The following LARP1B variants were observed in gnomAD, a reference collection of about 807,000 sequenced individuals.
LARP1B encodes the protein La ribonucleoprotein 1B, also known as la-related protein 1B.
A neutral mutation model predicts 114.2 loss-of-function variants in LARP1B; 76 were observed. The ratio of observed to expected loss-of-function variants is 0.67; its 90% CI spans 0.55 to 0.81. The LOEUF is 0.81. Ranked by LOEUF, LARP1B falls within the 30% of genes least tolerant of loss-of-function variation. The probability of loss-of-function intolerance (pLI) is 0.00; values close to 1 mark genes in which losing one functional copy is unlikely to be tolerated. For missense variants in LARP1B, 1,014 were observed against 1,075.8 expected, an observed-to-expected ratio of 0.94 and a Z score of 0.80; for synonymous variants, 345 against 348.0, an observed-to-expected ratio of 0.99 and a Z score of 0.10.
chr4:128,062,996 C>T (rs1442773469), intron 1 of LARP1B, among the ~76,000 whole-genome samples: 3 of 152,076 alleles, frequency 2.0e-5, no homozygotes, highest in African/African-American at 7.2e-5. Flanking sequence ...GTGGATTGCA[C>T]GTTAGGTAAA....
chr4:128,200,544 CAGTCCCA>C lies in LARP1B; in HGVS notation c.2191_2197del (p.Ser731LysfsTer2). 1 of 1,532,180 alleles carries C rather than the reference CAGTCCCA, an allele frequency of 6.5e-7. No individual in the cohort carries two copies. The allele number at this position is 1,532,180 out of a possible 1,614,324, so 94.9% of individuals were successfully genotyped here. ...AGAGAGAAAACGCTTGGGAATTGGT[CAGTCCCA>C]AGAAATGAATACCCTCTTTCGTTTC... On this transcript the variant is annotated frameshift_variant, in exon 17 of 20. Coordinates refer to ENST00000326639, the MANE Select transcript of LARP1B (RefSeq NM_018078.4). LOFTEE classifies it high-confidence loss of function.
At chr4:128,206,211 G>A (rs1203306934) in intron 17 of LARP1B, among the ~76,000 whole-genome samples, 1 of 152,152 alleles carries the variant, frequency 6.6e-6, no homozygotes, top group Non-Finnish European at 1.5e-5. Flanking sequence ...AGAATAGCTT[G>A]AACCAGGGAG....
intron 12 of LARP1B, among the ~76,000 whole-genome samples, chr4:128,174,364 T>C (rs1171260167): frequency 6.6e-6 from 1 of 151,996 alleles, no homozygotes; most frequent in African/African-American, 2.4e-5. Context: ...AATATTTTAA[T>C]ATTTACTATG....
intron 11 of LARP1B, among the ~76,000 whole-genome samples, chr4:128,130,989 G>GT (rs1791392238): frequency 6.6e-6 from 1 of 152,198 alleles, no homozygotes; most frequent in Non-Finnish European, 1.5e-5. Flanking sequence ...CAAAACTATA[G>GT]TAACAGTAAA....
intron 10 of LARP1B, among the ~76,000 whole-genome samples, chr4:128,116,860 C>G (rs1786021911): frequency 6.6e-6 from 1 of 150,464 alleles, no homozygotes; most frequent in South Asian, 2.1e-4. Flanking sequence ...TTTCTTTTGT[C>G]ATCTTATGAA....
At chr4:128,179,053 A>G (rs1158025749) in intron 14 of LARP1B, among the ~76,000 whole-genome samples, 1 of 152,212 alleles carries the variant, frequency 6.6e-6, no homozygotes. Flanking sequence ...TGATCATGCC[A>G]CTGCACTCCA....
rs576051241 is a variant in LARP1B at position 128,079,347 on chromosome 4, G to A, written c.217+1385G>A. Among the ~76,000 whole-genome samples the A allele has an allele frequency of 1.7e-3, 262 of 151,588 alleles. 1 individual carries two copies. Among genetic ancestry groups the A allele is most frequent in the African/African-American group, 6.1e-3 (252 of 41,296 alleles). On this transcript the variant is annotated intron_variant, in intron 4 of 19. Transcript: ENST00000326639. ...TGAGCTCAGGCGATCCACCTGCCTC[G>A]GCCTCCCAAAGTGCTAGGATTACAG...
At chr4:128,178,357 C>A (rs1747143413) in intron 13 of LARP1B, 74 bp from the exon 14 acceptor site, 1 of 1,083,652 alleles carries the variant, frequency 9.2e-7, no homozygotes. Context: ...TAGAGAATTA[C>A]AAAATTATCC....
intron 19 of LARP1B, 127 bp from the exon 20 acceptor site, chr4:128,209,720 CAAAAAAAAA>C: frequency 4.1e-6 from 2 of 491,888 alleles, no homozygotes; most frequent in African/African-American, 2.6e-5. Flanking sequence ...GAGACTCCAT[CAAAAAAAAA>C]AAAAAAAAAA....
chr4:128,112,495 A>G (rs949226096), intron 9 of LARP1B, among the ~76,000 whole-genome samples: 13 of 74,164 alleles, frequency 1.8e-4, no homozygotes, highest in African/African-American at 4.3e-4. Context: ...TTTTTTTGAG[A>G]TGGAGTCTTG....
At chr4:128,075,918 C>T (rs1767654100) in intron 3 of LARP1B, among the ~76,000 whole-genome samples, 1 of 152,146 alleles carries the variant, frequency 6.6e-6, no homozygotes, top group South Asian at 2.1e-4. Flanking sequence ...AAATCACATA[C>T]ATTGATAAAG....
chr4:128,200,965 T>G (rs935763958), intron 17 of LARP1B, among the ~76,000 whole-genome samples: 1 of 152,238 alleles, frequency 6.6e-6, no homozygotes, highest in Non-Finnish European at 1.5e-5. Flanking sequence ...TGGTTCTGGC[T>G]TATGGTTTCT....
At chr4:128,173,658 T>A (rs1744753791) in intron 12 of LARP1B, among the ~76,000 whole-genome samples, 1 of 152,228 alleles carries the variant, frequency 6.6e-6, no homozygotes, top group Non-Finnish European at 1.5e-5. Context: ...CCTGGAAAGC[T>A]TGTTGAAACA....
chr4:128,192,178 T>A (rs982648869), intron 15 of LARP1B, among the ~76,000 whole-genome samples: 6 of 152,244 alleles, frequency 3.9e-5, no homozygotes, highest in South Asian at 2.1e-4. Flanking sequence ...GTACTTTTTT[T>A]AAGTCATAAT....
chr4:128,061,977 G>T, intron 1 of LARP1B: 1 of 985,212 alleles, frequency 1.0e-6, no homozygotes, highest in Non-Finnish European at 1.2e-6. Flanking sequence ...AAGGCGCGTG[G>T]GCCCGGGGGC....
intron 11 of LARP1B, among the ~76,000 whole-genome samples, chr4:128,158,767 T>C (rs1273422006): frequency 6.6e-6 from 1 of 152,198 alleles, no homozygotes; most frequent in East Asian, 1.9e-4. Flanking sequence ...TATTTTGAGA[T>C]ATTTATAGAT....
chr4:128,091,854 C>T (rs547326903), intron 7 of LARP1B, among the ~76,000 whole-genome samples: 10 of 152,260 alleles, frequency 6.6e-5, no homozygotes, highest in Admixed American at 1.3e-4. Flanking sequence ...ACCTTGGCCT[C>T]TCAAAGTGCT....
intron 5 of LARP1B, among the ~76,000 whole-genome samples, chr4:128,086,657 T>A (rs966152354): frequency 6.6e-6 from 1 of 152,150 alleles, no homozygotes; most frequent in African/African-American, 2.4e-5. Flanking sequence ...CTTTTCTTTT[T>A]ATAACTGGCA....
chr4:128,079,433 G>A (rs182432001), intron 4 of LARP1B, among the ~76,000 whole-genome samples: 1 of 152,116 alleles, frequency 6.6e-6, no homozygotes, highest in East Asian at 1.9e-4. Flanking sequence ...AATCCTTAGT[G>A]CAGGATGAGC....
Sources: allele counts gnomAD v4.1 joint callset (sites outside exome capture counted in the v4.1 genomes callset), GRCh38; gene constraint gnomAD v4.1.1; transcripts MANE v1.5; gene names NCBI Gene and HGNC (gene_info 2026-07-23, HGNC 2026-07-21).